Variants in RGPD4 observed in about 807,000 individuals in gnomAD.
RGPD4 encodes the protein ranBP2-like and GRIP domain-containing protein 4.
In RGPD4, 84 loss-of-function variants were observed where a neutral mutation model predicts 141.1. The ratio of observed to expected loss-of-function variants is 0.60; its 90% CI spans 0.50 to 0.71. The LOEUF (loss-of-function observed/expected upper bound fraction) is 0.71. Among genes scored for constraint, RGPD4 ranks in the 30% least tolerant of loss-of-function variants. RGPD4 has a pLI of 0.00. For missense variants in RGPD4, 918 were observed against 1,622.4 expected (o/e 0.57, Z 7.46); for synonymous variants, 298 against 566.8 (o/e 0.53, Z 6.74).
chr2:107,862,524 GAT>G (rs1367042854), intron 15 of RGPD4, among the ~76,000 whole-genome samples, 156 bp from the exon 16 acceptor site: 1 of 151,266 alleles, frequency 6.6e-6, no homozygotes, highest in Non-Finnish European at 1.5e-5. Flanking sequence ...AAAGAAAAAA[GAT>G]AATTAAAAAA....
chr2:107,873,819 C>T (rs1167366668), intron 20 of RGPD4, among the ~76,000 whole-genome samples: 2 of 150,456 alleles, frequency 1.3e-5, no homozygotes, highest in Admixed American at 6.6e-5. Context: ...TTAATTTTAG[C>T]CTTTTTAAAT....
In RGPD4 at chr2:107,826,918, A is replaced by C; in HGVS notation, c.-96A>C. ...CAGTGGTCCTCCGCCGGCTACGCGG[A>C]GTCAGTGGCTTTCAGGCGCTTTCCT... On this transcript the variant is annotated 5_prime_UTR_variant, in exon 1 of 23. Coordinates refer to ENST00000408999, the MANE Select transcript of RGPD4 (RefSeq NM_182588.3). 6.5e-7 allele frequency: 1 copy of C among 1,546,856 alleles called. No individual in the cohort carries two copies. Among genetic ancestry groups the C allele is most frequent in the South Asian group, 1.2e-5 (1 of 84,016 alleles).
At chr2:107,835,330 A>G (rs1304725918) in intron 1 of RGPD4, among the ~76,000 whole-genome samples, 2 of 63,294 alleles carry the variant, frequency 3.2e-5, no homozygotes, top group Non-Finnish European at 6.4e-5. Context: ...CTCAGTCTCC[A>G]AAAGTGCTGG....
At chr2:107,838,674 T>G in intron 3 of RGPD4, 138 bp from the exon 4 acceptor site, 1 of 551,348 alleles carries the variant, frequency 1.8e-6, no homozygotes, top group Non-Finnish European at 2.5e-6. Context: ...TGAAGTAATA[T>G]GTTTTCTCTA....
intron 22 of RGPD4, among the ~76,000 whole-genome samples, chr2:107,888,424 C>T (rs1047168): frequency 3.3e-5 from 5 of 151,454 alleles, no homozygotes; most frequent in Non-Finnish European, 7.4e-5. Flanking sequence ...CTCTTTATTC[C>T]TGGGAACAAG....
At position 107,890,863 on chromosome 2, in the gene RGPD4, A is replaced by G. The variant is rs1675639654; in HGVS notation, c.*132A>G. 2 of 1,031,270 alleles carry G rather than the reference A, an allele frequency of 1.9e-6. No homozygotes were observed. The highest frequency in any genetic ancestry group is 2.4e-5 in the Admixed American group (1 of 41,218). The allele number at this position is 1,031,270 out of a possible 1,614,324, so 63.9% of individuals were successfully genotyped here. A position where few individuals can be genotyped will look rare whatever the true frequency, so the allele number is the denominator to read the frequency against. ...AAAATGGTTCATGTGTATTACCATC[A>G]TTCTTTTGTCAAAAAGTGTGTATAT... On this transcript the variant is annotated 3_prime_UTR_variant, in exon 23 of 23. Coordinates refer to ENST00000408999, the MANE Select transcript of RGPD4 (RefSeq NM_182588.3).
intron 9 of RGPD4, among the ~76,000 whole-genome samples, chr2:107,857,400 A>G (rs937164834): frequency 4.0e-5 from 6 of 149,424 alleles, no homozygotes; most frequent in Non-Finnish European, 5.9e-5. Flanking sequence ...TGGCCTCCCA[A>G]AGTGCTGGGA....
At chr2:107,857,699 T>G (rs1035987722) in intron 9 of RGPD4, among the ~76,000 whole-genome samples, 1 of 151,758 alleles carries the variant, frequency 6.6e-6, no homozygotes, top group Non-Finnish European at 1.5e-5. Flanking sequence ...CCCCCCAAAG[T>G]GTTGGGATTA....
chr2:107,844,367 A>G (rs1428943837), intron 6 of RGPD4, among the ~76,000 whole-genome samples: 2 of 152,114 alleles, frequency 1.3e-5, no homozygotes, highest in African/African-American at 4.8e-5. Context: ...GTTAATATTT[A>G]TTGGAATGCA....
intron 17 of RGPD4, 59 bp downstream of exon 17, chr2:107,863,091 T>A (rs1682607794): frequency 1.7e-6 from 2 of 1,179,912 alleles, no homozygotes; most frequent in Non-Finnish European, 1.2e-6. Context: ...CCCTGGCCAC[T>A]CTCTCACTTT....
intron 20 of RGPD4, among the ~76,000 whole-genome samples, chr2:107,878,156 C>G (rs1683144649): frequency 6.6e-6 from 1 of 151,258 alleles, no homozygotes; most frequent in South Asian, 2.1e-4. Context: ...TCCTCATACA[C>G]CTTTCACTTA....
rs769540008 is a variant in RGPD4 at position 107,880,000 on chromosome 2, G to C, written c.4957G>C (p.Glu1653Gln). The change falls in exon 21 of 23, where the codon GAA (glutamate) becomes CAA (glutamine). Residue 1653 changes from glutamate to glutamine, a missense_variant. Glu to Gln is a conservative substitution (Grantham distance 29). Coordinates refer to ENST00000408999, the MANE Select transcript of RGPD4 (RefSeq NM_182588.3). ...PPLWHAEFTK[E>Q]ELVQKLSSTT... ...ATTATGGCATGCTGAATTTACCAAA[G>C]AAGAATTGGTTCAGAAGCTCAGTTC... The C allele has an allele frequency of 6.2e-7, 1 of 1,610,952 alleles. No homozygotes were observed. Among genetic ancestry groups the C allele is most frequent in the South Asian group, 1.1e-5 (1 of 90,984 alleles).
rs747759388 is a variant in RGPD4 at position 107,838,954 on chromosome 2, A to C, written c.395A>C (p.Tyr132Ser). ...CTTTTCCCAGGAAGTCCTGCAATTT[A>C]TAAACTAAAGGTAAACAAACAAAAC... The part of the protein sequence containing the change: ...AKLFPGSPAI[Y>S]KLKEQLLDCE... The change falls in exon 4 of 23, where the codon TAT becomes TCT. Residue 132 changes from tyrosine (Y) to serine (S), a missense_variant. Tyr to Ser is a moderately radical substitution (Grantham distance 144). Transcript: ENST00000408999. 5 of 1,469,352 alleles carry C rather than the reference A, an allele frequency of 3.4e-6. No homozygotes were observed. In the East Asian group the frequency reaches 1.2e-4, roughly 34 times the overall value. The allele number at this position is 1,469,352 out of a possible 1,614,324, so 91.0% of individuals were successfully genotyped here.
intron 1 of RGPD4, among the ~76,000 whole-genome samples, chr2:107,829,781 C>G (rs1241902552): frequency 2.0e-5 from 3 of 151,942 alleles, no homozygotes; most frequent in African/African-American, 7.3e-5. Flanking sequence ...GCTCCTGGGC[C>G]CGTCCTGGCC....
At position 107,863,625 on chromosome 2, in the gene RGPD4, TGGGATTACA is replaced by T. The variant is rs1290408382; in HGVS notation, c.2469+596_2469+604del. 3.2e-4 allele frequency among the ~76,000 whole-genome samples: 48 copies of T among 151,734 alleles called. 1 individual carries two copies. The highest frequency in any genetic ancestry group is 1.2e-3 in the African/African-American group (48 of 41,160). On this transcript the variant is annotated intron_variant, in intron 17 of 22. Transcript: ENST00000408999. ...CTCCTGCCTCAGCCTCCCGAGTAGC[TGGGATTACA>T]GGCACCCGCCACCAGGCCCAGCTAA...
rs763889760 is a variant in RGPD4 at position 107,871,265 on chromosome 2, T to G, written c.3261T>G (p.Ile1087Met). Residue 1087 changes from isoleucine to methionine, a missense_variant, in exon 20 of 23, where the codon ATT (isoleucine) becomes ATG (methionine). Coordinates refer to ENST00000408999, the MANE Select transcript of RGPD4 (RefSeq NM_182588.3). ...WKERGLGNLK[I>M]LKNEVNGKPR... is the part of the protein sequence containing the mutation. ...AAAGGGGCTTGGGGAACTTAAAAAT[T>G]CTCAAAAACGAGGTCAATGGCAAAC... The G allele has an allele frequency of 1.2e-6, 2 of 1,607,832 alleles. No individual in the cohort carries two copies. The highest frequency in any genetic ancestry group is 1.7e-6 in the Non-Finnish European group (2 of 1,179,366).
In RGPD4 at chr2:107,871,768, G is replaced by A. The variant is rs571493373; in HGVS notation, c.3764G>A (p.Arg1255Lys). The A allele has an allele frequency of 6.4e-5, 103 of 1,611,432 alleles. 1 individual carries two copies. The East Asian group carries it at 1.0e-3, about 16-fold the overall frequency. The stretch of plus-strand genomic sequence containing the variant: ...TTAGAATGGGATAACTGTGATTTAA[G>A]GGAAGATGCTTTGGATGATAGTGTC... ...PTLEWDNCDL[R>K]EDALDDSVSS... is the part of the protein sequence containing the mutation. Residue 1255 changes from arginine (R) to lysine (K), a missense_variant, in exon 20 of 23, where the codon AGG (arginine) becomes AAG (lysine). Physicochemically the swap from Arg to Lys is conservative, Grantham distance 26. Coordinates refer to ENST00000408999, the MANE Select transcript of RGPD4 (RefSeq NM_182588.3).
At chr2:107,835,071 CTTTTTTTTTTTTTT>C (rs1195678590) in intron 1 of RGPD4, among the ~76,000 whole-genome samples, 2 of 11,646 alleles carry the variant, frequency 1.7e-4, no homozygotes, top group African/African-American at 1.3e-3. Context: ...GTTGTATCAG[CTTTTTTTTTTTTTT>C]TTTTTTTTTT....
At chr2:107,885,563 G>A (rs1055993571) in intron 22 of RGPD4, among the ~76,000 whole-genome samples, 3 of 152,140 alleles carry the variant, frequency 2.0e-5, no homozygotes, top group Non-Finnish European at 2.9e-5. Flanking sequence ...GATACACATT[G>A]GAAACCCAGA....
Sources: allele counts gnomAD v4.1 joint callset (sites outside exome capture counted in the v4.1 genomes callset), GRCh38; gene constraint gnomAD v4.1.1; transcripts MANE v1.5; gene names NCBI Gene and HGNC (gene_info 2026-07-23, HGNC 2026-07-21).